AGR2: variants seen among roughly 807,000 people sequenced by gnomAD.
AGR2 encodes anterior gradient protein 2 homolog.
A neutral mutation model predicts 25.9 loss-of-function variants in AGR2; 27 were observed. The ratio of observed to expected loss-of-function variants is 1.04; its 90% confidence interval spans 0.77 to 1.44. AGR2 has a LOEUF of 1.44. AGR2 is among the 40% of genes most tolerant of loss of function. The pLI is 0.00. For synonymous variants in AGR2, 78 were observed against 72.0 expected, an observed-to-expected ratio of 1.08 and a Z score of -0.42; for missense variants, 182 against 200.9, an observed-to-expected ratio of 0.91 and a Z score of 0.57.
At chr7:16,796,526 T>A (rs1410620281) in intron 6 of AGR2, among the ~76,000 whole-genome samples, 4 of 152,222 alleles carry the variant, frequency 2.6e-5, no homozygotes, top group Non-Finnish European at 1.5e-5. Context: ...AGTGATGGAT[T>A]TCATTATGGA....
intron 6 of AGR2, 122 bp from the exon 7 acceptor site, chr7:16,795,141 A>C: frequency 1.9e-6 from 2 of 1,065,872 alleles, no homozygotes; most frequent in East Asian, 2.6e-5. Flanking sequence ...GTGTGTCTGC[A>C]CTCACAGGAG....
chr7:16,803,226 G>C (rs1006326389), intron 1 of AGR2: 1 of 152,242 alleles, frequency 6.6e-6, no homozygotes, highest in Non-Finnish European at 1.5e-5. Context: ...TACATGGCAA[G>C]ATAAGTTTTG....
chr7:16,795,740 C>T (rs953587610), intron 6 of AGR2, among the ~76,000 whole-genome samples: 1 of 152,028 alleles, frequency 6.6e-6, no homozygotes, highest in African/African-American at 2.4e-5. Context: ...GAAACCTTGC[C>T]TTGAGAGACG....
intron 1 of AGR2, among the ~76,000 whole-genome samples, chr7:16,804,277 C>A (rs1043101286): frequency 2.4e-5 from 2 of 83,454 alleles, no homozygotes; most frequent in African/African-American, 7.3e-5. Flanking sequence ...TACACACACA[C>A]ACACACACAC....
intron 7 of AGR2, 73 bp downstream of exon 7, chr7:16,794,863 C>G: frequency 6.2e-7 from 1 of 1,605,828 alleles, no homozygotes; most frequent in African/African-American, 1.3e-5. Context: ...CACCATGCAG[C>G]CTCTAGTCCC....
chr7:16,799,725 T>G lies in AGR2; in HGVS notation c.330+19A>C, dbSNP rs376401016. ...ATGAGCCATAGAGAAATGTTAGTAA[T>G]GATGAAAAGGAAACTTACAACCAGA... On this transcript the variant is annotated intron_variant, in intron 5 of 7. Coordinates refer to ENST00000419304, the MANE Select transcript of AGR2 (RefSeq NM_006408.4). The G allele has an allele frequency of 6.3e-7, 1 of 1,584,892 alleles. No homozygotes were observed. The highest frequency in any genetic ancestry group is 8.6e-7 in the Non-Finnish European group (1 of 1,156,522).
chr7:16,801,748 A>T lies in AGR2; in HGVS notation c.49T>A (p.Tyr17Asn), dbSNP rs1306050693. The T allele has an allele frequency of 6.2e-7, 1 of 1,613,598 alleles. No homozygotes were observed. The highest frequency in any genetic ancestry group is 1.7e-5 in the Admixed American group (1 of 59,918). Residue 17 changes from tyrosine to asparagine, a missense_variant, in exon 2 of 8, where the codon TAC becomes AAC. Transcript: ENST00000419304. ...SAFLLLVALS[Y>N]TLARDTTVKP... The stretch of plus-strand genomic sequence containing the variant: ...ACTGTGGTATCTCTGGCCAGAGTGT[A>T]GGAGAGGGCCACAAGGAGCAAGAAT...
At chr7:16,800,008 C>T (rs1206206178) in intron 4 of AGR2, among the ~76,000 whole-genome samples, 191 bp from the exon 5 acceptor site, 1 of 152,020 alleles carries the variant, frequency 6.6e-6, no homozygotes, top group Non-Finnish European at 1.5e-5. Flanking sequence ...TCTATTCACT[C>T]ATTCATCCAT....
Position 16,801,351 on chromosome 7 carries a change from A to G in AGR2, c.172T>C (p.Tyr58His), listed in dbSNP as rs750079765. Residue 58 changes from tyrosine to histidine, a missense_variant, in exon 3 of 8, where the codon TAT becomes CAT. Coordinates refer to ENST00000419304, the MANE Select transcript of AGR2 (RefSeq NM_006408.4). Reference sequence around the variant, plus strand: ...TTGGATTTATATAGAGCTTCTTCATATGTCTGAGTCCAGATGAGTTGGTCA... The same window carrying G: ...TTGGATTTATATAGAGCTTCTTCATGTGTCTGAGTCCAGATGAGTTGGTCA... ...WGDQLIWTQT[Y>H]EEALYKSKTS... is the part of the protein sequence containing the mutation. 1.2e-6 allele frequency: 2 copies of G among 1,613,788 alleles called. No individual in the cohort carries two copies. Among genetic ancestry groups the G allele is most frequent in the Non-Finnish European group, 1.7e-6 (2 of 1,179,860 alleles).
intron 1 of AGR2, among the ~76,000 whole-genome samples, chr7:16,804,180 T>G (rs1225399920): frequency 2.0e-5 from 3 of 149,448 alleles, no homozygotes; most frequent in Non-Finnish European, 4.5e-5. Flanking sequence ...GTGAATAGAT[T>G]CTGCTCTGCA....
chr7:16,799,759 G>C lies in AGR2; in HGVS notation c.315C>G (p.Val105=). Residue 105 remains valine, a synonymous_variant, in exon 5 of 8, where the codon GTC becomes GTG. Transcript: ENST00000419304. Reference sequence around the variant, plus strand: ...GGAAACTTACAACCAGATTGAGGAGGACAAACTGCTCTGCCAATTTCTGGA... The same window carrying C: ...GGAAACTTACAACCAGATTGAGGAGCACAAACTGCTCTGCCAATTTCTGGA... ...KEIQKLAEQF[V]LLNLVYETTD... 2 of 1,612,946 alleles carry C rather than the reference G, an allele frequency of 1.2e-6. No homozygotes were observed. Among genetic ancestry groups the C allele is most frequent in the Non-Finnish European group, 1.7e-6 (2 of 1,179,276 alleles).
At chr7:16,801,898 ACTGAGGCTCT>A (rs1455989764) in intron 1 of AGR2, 95 bp from the exon 2 acceptor site, 11 of 1,068,326 alleles carry the variant, frequency 1.0e-5, no homozygotes, top group Non-Finnish European at 1.3e-6. Context: ...TATACCAGAA[ACTGAGGCTCT>A]GCTGAGACTG....
At chr7:16,802,441 G>A (rs913113429) in intron 1 of AGR2, among the ~76,000 whole-genome samples, 2 of 152,114 alleles carry the variant, frequency 1.3e-5, no homozygotes, top group African/African-American at 4.8e-5. Context: ...AATGTGCTCA[G>A]AACACTCACA....
At chr7:16,801,067 TA>T in intron 4 of AGR2, 83 bp downstream of exon 4, 1 of 1,074,262 alleles carries the variant, frequency 9.3e-7, no homozygotes, top group Non-Finnish European at 1.4e-6. Flanking sequence ...ACTGTGGTTC[TA>T]AAGATACAAA....
chr7:16,804,574 G>A (rs1263223011), intron 1 of AGR2, among the ~76,000 whole-genome samples: 3 of 152,164 alleles, frequency 2.0e-5, no homozygotes, highest in Non-Finnish European at 4.4e-5. Context: ...AGAAGCCTAT[G>A]GGGCTTTGCT....
chr7:16,794,859 G>A, intron 7 of AGR2, 77 bp downstream of exon 7: 2 of 1,603,010 alleles, frequency 1.2e-6, no homozygotes. Context: ...ACCTCACCAT[G>A]CAGCCTCTAG....
In AGR2 at chr7:16,791,811, T is replaced by A. The variant is rs1478954626; in HGVS notation, c.*1097A>T. 6.6e-6 allele frequency: 1 copy of A among 151,032 alleles called. No homozygotes were observed. The highest frequency in any genetic ancestry group is 1.5e-5 in the Non-Finnish European group (1 of 68,028). The allele number at this position is 151,032 out of a possible 1,614,324, so 9.4% of individuals were successfully genotyped here. A position where few individuals can be genotyped will look rare whatever the true frequency, so the allele number is the denominator to read the frequency against. On this transcript the variant is annotated 3_prime_UTR_variant, in exon 8 of 8. Coordinates refer to ENST00000419304, the MANE Select transcript of AGR2 (RefSeq NM_006408.4). ...TGGAAAAATTAATAATGCCAAAAGA[T>A]CTGTTCAAAAAAGGTTTTATCCAAA... is the stretch of plus-strand genomic sequence containing the variant.
chr7:16,802,994 G>A, intron 1 of AGR2, among the ~76,000 whole-genome samples: 1 of 151,852 alleles, frequency 6.6e-6, no homozygotes, highest in East Asian at 1.9e-4. Context: ...CAGCATACTT[G>A]GCTATGCTTT....
chr7:16,798,930 G>C (rs998491821), intron 5 of AGR2, among the ~76,000 whole-genome samples: 1 of 152,220 alleles, frequency 6.6e-6, no homozygotes, highest in Non-Finnish European at 1.5e-5. Flanking sequence ...AATATGGTTG[G>C]ATAGACAATT....
Sources: gnomAD v4.1 joint callset for allele counts (sites outside exome capture counted in the v4.1 genomes callset) on GRCh38, gnomAD v4.1.1 for gene constraint, MANE v1.5 for transcripts, NCBI Gene and HGNC (gene_info 2026-07-23, HGNC 2026-07-21) for gene names.